Variants in PLD3 observed in about 807,000 individuals in gnomAD.
PLD3 encodes the protein 5'-3' exonuclease PLD3.
A neutral mutation model predicts 58.4 loss-of-function variants in PLD3; 31 were observed. The ratio of observed to expected loss-of-function variants is 0.53; its 90% CI spans 0.40 to 0.72. The LOEUF (loss-of-function observed/expected upper bound fraction) is 0.72, where lower values mean the gene tolerates loss of function less well. Ranked by LOEUF, PLD3 falls within the 30% of genes least tolerant of loss-of-function variation. The pLI, the probability that PLD3 is intolerant of heterozygous loss-of-function variation, is 0.00. For synonymous variants in PLD3, 264 were observed against 273.4 expected (o/e 0.97, Z 0.34); for missense variants, 595 against 659.8 (o/e 0.90, Z 1.08).
chr19:40,374,603 G>A lies in PLD3; in HGVS notation c.1002G>A (p.Glu334=), dbSNP rs763500081. 1.9e-6 allele frequency: 3 copies of A among 1,614,138 alleles called. No homozygotes were observed. The South Asian group carries it at 3.3e-5, about 18-fold the overall frequency. Residue 334 remains glutamate, a synonymous_variant, in exon 10 of 13, where the codon GAG becomes GAA. Transcript: ENST00000409735. Reference sequence around the variant, plus strand: ...TCATGAACTACCTGCCCACTCTGGAGTTCTCCCACCCTCACAGGTACTGCT... The same window carrying A: ...TCATGAACTACCTGCCCACTCTGGAATTCTCCCACCCTCACAGGTACTGCT... ...VAVMNYLPTL[E]FSHPHRFWPA...
At chr19:40,355,755 T>A (rs2078641434) in intron 1 of PLD3, 2 of 151,294 alleles carry the variant, frequency 1.3e-5, no homozygotes. Context: ...TTTCCTATGC[T>A]CCATGGTACT....
Position 40,370,240 on chromosome 19 carries a change from C to G in PLD3, c.678+3C>G, listed in dbSNP as rs2079034536. ...TGGACTGGCGTTCACTGACCCAGGTCTGTCTGCACCCTGTCTACCTTCCTT... is the reference window on the plus strand; with the variant it reads ...TGGACTGGCGTTCACTGACCCAGGTGTGTCTGCACCCTGTCTACCTTCCTT... On this transcript the variant is annotated splice_donor_region_variant and intron_variant, in intron 8 of 12. Coordinates refer to ENST00000409735, the MANE Select transcript of PLD3 (RefSeq NM_012268.4). The G allele has an allele frequency of 3.1e-6, 5 of 1,611,412 alleles. No homozygotes were observed. The Middle Eastern group carries it at 6.6e-4, about 213-fold the overall frequency.
chr19:40,362,564 T>G (rs1446952925), intron 1 of PLD3, among the ~76,000 whole-genome samples: 2 of 152,162 alleles, frequency 1.3e-5, no homozygotes, highest in African/African-American at 4.8e-5. Flanking sequence ...GCCTTCCACA[T>G]AGTTGGAACT....
At position 40,377,849 on chromosome 19, in the gene PLD3, A is replaced by G; in HGVS notation, c.1249A>G (p.Asn417Asp). The stretch of plus-strand genomic sequence containing the variant: ...AATCCCATATGCCCGTGTCAACCAC[A>G]ACAAGTACATGGTGACTGAACGCGC... ...ARIPYARVNH[N>D]KYMVTERATY... Residue 417 changes from asparagine (N) to aspartate (D), a missense_variant, in exon 12 of 13, where the codon AAC becomes GAC. Asn to Asp is a conservative substitution (Grantham distance 23). Coordinates refer to ENST00000409735, the MANE Select transcript of PLD3 (RefSeq NM_012268.4). The G allele has an allele frequency of 6.2e-7, 1 of 1,613,912 alleles. No individual in the cohort carries two copies. The highest frequency in any genetic ancestry group is 1.7e-4 in the Middle Eastern group (1 of 6,060).
In PLD3 at chr19:40,376,593, A is replaced by G. The variant is rs2145706443; in HGVS notation, c.1020-16A>G. ...CCCTCTGCATCCTGCCCCACCTCCT[A>G]TACACCCGTCCTCAGGTTCTGGCCT... On this transcript the variant is annotated splice_polypyrimidine_tract_variant and intron_variant, in intron 10 of 12. Coordinates refer to ENST00000409735, the MANE Select transcript of PLD3 (RefSeq NM_012268.4). 6.2e-7 allele frequency: 1 copy of G among 1,607,212 alleles called. No individual in the cohort carries two copies. The highest frequency in any genetic ancestry group is 8.5e-7 in the Non-Finnish European group (1 of 1,178,664).
chr19:40,355,764 C>G (rs1381251513), intron 1 of PLD3: 2 of 151,906 alleles, frequency 1.3e-5, no homozygotes, highest in East Asian at 3.9e-4. Context: ...CTCCATGGTA[C>G]TGGGGACATG....
intron 11 of PLD3, among the ~76,000 whole-genome samples, chr19:40,377,223 G>C (rs1197506060): frequency 7.8e-6 from 1 of 127,580 alleles, no homozygotes; most frequent in Admixed American, 7.9e-5. Flanking sequence ...GGGCTGGGGT[G>C]GGGGGCACAG....
chr19:40,376,528 G>A (rs1375947807), intron 10 of PLD3, 81 bp from the exon 11 acceptor site: 39 of 1,390,432 alleles, frequency 2.8e-5, no homozygotes, highest in Non-Finnish European at 3.2e-5. Context: ...GCCCAGGCTT[G>A]GTTCCCCAAA....
intron 1 of PLD3, chr19:40,359,712 A>G (rs2078735045): frequency 6.6e-6 from 1 of 152,174 alleles, no homozygotes; most frequent in Non-Finnish European, 1.5e-5. Context: ...AAAGACCTAC[A>G]ATGAAAAGCA....
At chr19:40,369,004 G>C (rs1192179445) in intron 6 of PLD3, among the ~76,000 whole-genome samples, 2 of 151,902 alleles carry the variant, frequency 1.3e-5, no homozygotes, top group Admixed American at 1.3e-4. Context: ...ACACACCTGT[G>C]GTCCCAGCTA....
Position 40,377,160 on chromosome 19 carries a change from G to T in PLD3, c.1185+386G>T, listed in dbSNP as rs1249783863. On this transcript the variant is annotated intron_variant, in intron 11 of 12. Transcript: ENST00000409735. Reference sequence around the variant, plus strand: ...AGAGGGGTTAGGGCCAGGGTTGGGGGCACAGGCAGAGGGGTCGGGGCCAGG... The same window carrying T: ...AGAGGGGTTAGGGCCAGGGTTGGGGTCACAGGCAGAGGGGTCGGGGCCAGG... Among the ~76,000 whole-genome samples the T allele has an allele frequency of 5.1e-5, 7 of 136,852 alleles. No individual in the cohort carries two copies. The Admixed American group carries it at 5.2e-4, about 10-fold the overall frequency. 89.8% of individuals were successfully genotyped at this position (136,852 alleles called of 152,430 possible).
At chr19:40,351,976 CT>C (rs1186770400) in intron 1 of PLD3, among the ~76,000 whole-genome samples, 2 of 152,068 alleles carry the variant, frequency 1.3e-5, no homozygotes, top group Non-Finnish European at 2.9e-5. Context: ...TCAAATATCC[CT>C]GTCAAAGATC....
chr19:40,362,550 C>T lies in PLD3; in HGVS notation c.-278-3168C>T, dbSNP rs533499873. Among the ~76,000 whole-genome samples, 4 of 152,330 alleles carry T rather than the reference C, an allele frequency of 2.6e-5. No individual in the cohort carries two copies. In the East Asian group the frequency reaches 7.7e-4, roughly 29 times the overall value. On this transcript the variant is annotated intron_variant, in intron 1 of 12. Coordinates refer to ENST00000409735, the MANE Select transcript of PLD3 (RefSeq NM_012268.4). ...TCCCAGATTCAAGCAATTCTCCTGC[C>T]TCAGCCTTCCACATAGTTGGAACTA...
intron 1 of PLD3, among the ~76,000 whole-genome samples, chr19:40,362,095 C>T (rs933815658): frequency 1.3e-5 from 2 of 152,152 alleles, no homozygotes; most frequent in Non-Finnish European, 2.9e-5. Flanking sequence ...CATCGGCCCC[C>T]CAAAGTGCTG....
chr19:40,349,325 C>T lies in PLD3; in HGVS notation c.-279+557C>T, dbSNP rs902645994. Among the ~76,000 whole-genome samples, 12 of 152,258 alleles carry T rather than the reference C, an allele frequency of 7.9e-5. No individual in the cohort carries two copies. In the South Asian group the frequency reaches 2.3e-3, roughly 29 times the overall value. On this transcript the variant is annotated intron_variant, in intron 1 of 12. Coordinates refer to ENST00000409735, the MANE Select transcript of PLD3 (RefSeq NM_012268.4). Reference sequence around the variant, plus strand: ...TCCCTTGGCATCACTGTTCCTCTGACCAGTCACCATCCACTCCTCATGCTT... The same window carrying T: ...TCCCTTGGCATCACTGTTCCTCTGATCAGTCACCATCCACTCCTCATGCTT...
In PLD3 at chr19:40,374,588, C is replaced by T; in HGVS notation, c.987C>T (p.Tyr329=). The part of the protein sequence containing the change: ...RSFIYVAVMN[Y]LPTLEFSHPH... The stretch of plus-strand genomic sequence containing the variant: ...TCATCTACGTCGCTGTCATGAACTA[C>T]CTGCCCACTCTGGAGTTCTCCCACC... Residue 329 remains tyrosine (Y), a synonymous_variant, in exon 10 of 13, where the codon TAC becomes TAT. Coordinates refer to ENST00000409735, the MANE Select transcript of PLD3 (RefSeq NM_012268.4). 1 of 1,614,162 alleles carries T rather than the reference C, an allele frequency of 6.2e-7. No individual in the cohort carries two copies. The highest frequency in any genetic ancestry group is 8.5e-7 in the Non-Finnish European group (1 of 1,180,028).
intron 1 of PLD3, among the ~76,000 whole-genome samples, chr19:40,350,320 G>A (rs1374447672): frequency 6.7e-5 from 10 of 150,106 alleles, no homozygotes; most frequent in African/African-American, 1.5e-4. Flanking sequence ...ACCTCCCAGC[G>A]CCTCAGTTAC....
intron 11 of PLD3, 152 bp from the exon 12 acceptor site, chr19:40,377,634 G>A (rs976793469): frequency 3.2e-6 from 2 of 625,018 alleles, no homozygotes; most frequent in Non-Finnish European, 5.7e-6. Context: ...TTCTCAGAGG[G>A]CCCCTCCACC....
rs534132861 is a variant in PLD3, at chr19:40,367,340, C to T, written c.246-356C>T. The T allele has an allele frequency of 8.5e-5, 22 of 258,938 alleles. No homozygotes were observed. The East Asian group carries it at 1.5e-3, about 18-fold the overall frequency. The allele number at this position is 258,938 out of a possible 1,614,324, so 16.0% of individuals were successfully genotyped here. On this transcript the variant is annotated intron_variant, in intron 5 of 12. Coordinates refer to ENST00000409735, the MANE Select transcript of PLD3 (RefSeq NM_012268.4). Reference sequence around the variant, plus strand: ...TCACGCCTGTAATTGCAACACTTTGCGGGGCTGAGGCGGGAGGATTGCTTG... The same window carrying T: ...TCACGCCTGTAATTGCAACACTTTGTGGGGCTGAGGCGGGAGGATTGCTTG...
Sources: gnomAD v4.1 joint callset for allele counts (sites outside exome capture counted in the v4.1 genomes callset) on GRCh38, gnomAD v4.1.1 for gene constraint, MANE v1.5 for transcripts, NCBI Gene and HGNC (gene_info 2026-07-23, HGNC 2026-07-21) for gene names.